WWOX: variants seen among roughly 807,000 people sequenced by gnomAD.
The protein encoded by WWOX is WW domain-containing oxidoreductase.
Under a neutral mutation model 46.2 loss-of-function variants are expected in WWOX, and 69 were observed. The observed-to-expected ratio is 1.49, with a 90% CI of 1.23 to 1.82. WWOX has a LOEUF of 1.82. Among genes scored for constraint, WWOX ranks in the 40% most tolerant of loss-of-function variants. WWOX has a pLI of 0.00. For missense variants in WWOX, 919 were observed against 542.6 expected, an observed-to-expected ratio of 1.69 and a Z score of -6.89; for synonymous variants, 359 against 202.6, an observed-to-expected ratio of 1.77 and a Z score of -6.56.
chr16:78,539,295 A>G (rs994750265), intron 8 of WWOX, among the ~76,000 whole-genome samples: 1 of 152,232 alleles, frequency 6.6e-6, no homozygotes, highest in South Asian at 2.1e-4. Context: ...TCCTACTGGT[A>G]AAGGAGTCTT....
chr16:78,251,340 A>T (rs994671810), intron 5 of WWOX, among the ~76,000 whole-genome samples: 11 of 152,172 alleles, frequency 7.2e-5, no homozygotes, highest in African/African-American at 2.4e-4. Context: ...CTGGTCCCTT[A>T]ATGAATACTC....
chr16:78,520,115 A>G (rs1164673580), intron 8 of WWOX, among the ~76,000 whole-genome samples: 1 of 152,194 alleles, frequency 6.6e-6, no homozygotes, highest in Non-Finnish European at 1.5e-5. Context: ...CCGGCCACAG[A>G]TAGTGATGCA....
intron 5 of WWOX, among the ~76,000 whole-genome samples, chr16:78,332,037 C>A (rs750991829): frequency 6.6e-6 from 1 of 152,170 alleles, no homozygotes; most frequent in Non-Finnish European, 1.5e-5. Context: ...TAGCTGCTCT[C>A]AGGGAGTCTG....
chr16:78,230,678 A>G (rs750522932), intron 5 of WWOX, among the ~76,000 whole-genome samples: 2 of 152,214 alleles, frequency 1.3e-5, no homozygotes, highest in Non-Finnish European at 2.9e-5. Flanking sequence ...TTCTCCTGCT[A>G]GGAAGCATGG....
At chr16:78,520,099 C>G (rs185734022) in intron 8 of WWOX, among the ~76,000 whole-genome samples, 3 of 152,308 alleles carry the variant, frequency 2.0e-5, no homozygotes, top group Admixed American at 2.0e-4. Flanking sequence ...TCCCTCCACT[C>G]CCATCCCGGC....
chr16:78,144,521 A>T lies in WWOX; in HGVS notation c.410-19662A>T, dbSNP rs1363951890. On this transcript the variant is annotated intron_variant, in intron 4 of 8. Coordinates refer to ENST00000566780, the MANE Select transcript of WWOX (RefSeq NM_016373.4). ...CACACATATATATATATATATATAT[A>T]TATTTTTTTTTTTTTTTGGAGATGG... 7.9e-3 allele frequency among the ~76,000 whole-genome samples: 193 copies of T among 24,290 alleles called. 4 individuals carry two copies. The highest frequency in any genetic ancestry group is 0.025 in the Middle Eastern group (1 of 40). The allele number at this position is 24,290 out of a possible 152,430, so 15.9% of individuals were successfully genotyped here. A position where few individuals can be genotyped will look rare whatever the true frequency, so the allele number is the denominator to read the frequency against.
chr16:78,255,590 G>A (rs1272963931), intron 5 of WWOX, among the ~76,000 whole-genome samples: 4 of 152,108 alleles, frequency 2.6e-5, no homozygotes, highest in Non-Finnish European at 5.9e-5. Context: ...TTTTGGGGAA[G>A]GCGAGGCACA....
chr16:78,440,351 C>A (rs959609838), intron 8 of WWOX, among the ~76,000 whole-genome samples: 5 of 152,160 alleles, frequency 3.3e-5, no homozygotes, highest in African/African-American at 1.2e-4. Flanking sequence ...ACATGTTCTT[C>A]AGCCTAGAAT....
chr16:79,036,800 T>C (rs778058948), intron 8 of WWOX, among the ~76,000 whole-genome samples: 5 of 152,190 alleles, frequency 3.3e-5, no homozygotes, highest in Admixed American at 6.5e-5. Context: ...GTATCCTGTT[T>C]CAGAAGAGAT....
At chr16:78,270,298 G>C (rs1174013683) in intron 5 of WWOX, 1 of 152,148 alleles carries the variant, frequency 6.6e-6, no homozygotes, top group Non-Finnish European at 1.5e-5. Flanking sequence ...TCTTTCCAAG[G>C]AACGTTGTCT....
chr16:78,788,028 T>C (rs965052098), intron 8 of WWOX, among the ~76,000 whole-genome samples: 1 of 152,232 alleles, frequency 6.6e-6, no homozygotes, highest in Admixed American at 6.5e-5. Context: ...AAGTTGTTTA[T>C]ATATTTTGGA....
Position 78,930,279 on chromosome 16 carries a change from C to CCTTCCTTCCTTCCTT in WWOX, c.1057-281329_1057-281328insCTTCCTTCCTTCCTT, listed in dbSNP as rs1555570914. ...CCTTCCTTCCTTCCTTTCTCTCTTT[C>CCTTCCTTCCTTCCTT]TTTTTTTATTTTTTTTTTCAGACAG... On this transcript the variant is annotated intron_variant, in intron 8 of 8. Transcript: ENST00000566780. Among the ~76,000 whole-genome samples, 9 of 107,298 alleles carry CCTTCCTTCCTTCCTT rather than the reference C, an allele frequency of 8.4e-5. 1 individual carries two copies. The highest frequency in any genetic ancestry group is 1.6e-4 in the Non-Finnish European group (8 of 50,182). 70.4% of individuals were successfully genotyped at this position (107,298 alleles called of 152,430 possible).
chr16:78,337,764 A>G, intron 5 of WWOX, among the ~76,000 whole-genome samples: 1 of 56,160 alleles, frequency 1.8e-5, no homozygotes, highest in African/African-American at 5.1e-5. Flanking sequence ...GTACTCCAAG[A>G]TGCCTCCAGC....
chr16:78,222,049 A>G (rs1489064241), intron 5 of WWOX, among the ~76,000 whole-genome samples: 3 of 152,156 alleles, frequency 2.0e-5, no homozygotes, highest in Non-Finnish European at 2.9e-5. Context: ...CTCCTAAAAC[A>G]TCCTGTGGAA....
At chr16:78,390,258 G>T (rs2082150792) in intron 6 of WWOX, among the ~76,000 whole-genome samples, 1 of 152,226 alleles carries the variant, frequency 6.6e-6, no homozygotes, top group African/African-American at 2.4e-5. Flanking sequence ...CTTTGCTGAA[G>T]AGAGCCAACT....
chr16:78,755,938 C>T (rs904942182), intron 8 of WWOX, among the ~76,000 whole-genome samples: 2 of 152,118 alleles, frequency 1.3e-5, no homozygotes, highest in Non-Finnish European at 2.9e-5. Flanking sequence ...AGAACATATG[C>T]CAAGGAGACA....
chr16:78,532,608 C>G (rs1056273152), intron 8 of WWOX, among the ~76,000 whole-genome samples: 5 of 152,094 alleles, frequency 3.3e-5, no homozygotes, highest in Non-Finnish European at 7.4e-5. Context: ...AGGTCATTTA[C>G]AAAAGAAAAA....
intron 8 of WWOX, among the ~76,000 whole-genome samples, chr16:79,152,265 C>T (rs956007929): frequency 6.6e-6 from 1 of 152,162 alleles, no homozygotes. Context: ...GAGAAGGGTA[C>T]AGGCTGGCTG....
intron 8 of WWOX, among the ~76,000 whole-genome samples, chr16:79,011,363 C>T (rs2047303879): frequency 6.6e-6 from 1 of 151,900 alleles, no homozygotes; most frequent in African/African-American, 2.4e-5. Context: ...TCCAATCCTG[C>T]CCCCTTTGGA....
Sources: allele counts gnomAD v4.1 joint callset (sites outside exome capture counted in the v4.1 genomes callset), GRCh38; gene constraint gnomAD v4.1.1; transcripts MANE v1.5; gene names NCBI Gene and HGNC (gene_info 2026-07-23, HGNC 2026-07-21).